Variants in DAB1 observed in about 807,000 individuals in gnomAD.
The protein encoded by DAB1 is disabled homolog 1.
Under a neutral mutation model 64.6 loss-of-function variants are expected in DAB1, and 15 were observed. The ratio of observed to expected loss-of-function variants is 0.23; its 90% CI spans 0.16 to 0.36. The LOEUF (loss-of-function observed/expected upper bound fraction) is 0.36, where lower values mean the gene tolerates loss of function less well. DAB1 is among the 10% of genes least tolerant of loss of function. DAB1 has a pLI of 1.00. For synonymous variants in DAB1, 235 were observed against 251.9 expected (o/e 0.93, Z 0.64); for missense variants, 596 against 706.7 (o/e 0.84, Z 1.78).
chr1:58,376,146 T>C (rs1644323121), intron 3 of DAB1, among the ~76,000 whole-genome samples: 3 of 151,992 alleles, frequency 2.0e-5, no homozygotes, highest in Admixed American at 1.3e-4. Flanking sequence ...GGTTCATTGA[T>C]TTTTTGAAGG....
chr1:57,301,470 C>T (rs1673649356), intron 1 of DAB1, among the ~76,000 whole-genome samples: 2 of 152,200 alleles, frequency 1.3e-5, no homozygotes, highest in East Asian at 1.9e-4. Flanking sequence ...GCCCTGTACT[C>T]ATCCCCGTTT....
At chr1:57,348,732 C>T (rs1678329218) in intron 1 of DAB1, among the ~76,000 whole-genome samples, 1 of 152,130 alleles carries the variant, frequency 6.6e-6, no homozygotes, top group South Asian at 2.1e-4. Flanking sequence ...AGCCAACTAC[C>T]TTCTGCCTGA....
At position 58,110,852 on chromosome 1, in the gene DAB1, G is replaced by A. The variant is rs573367101; in HGVS notation, n.387+39659C>T. Among the ~76,000 whole-genome samples the A allele has an allele frequency of 5.9e-5, 9 of 152,192 alleles. No homozygotes were observed. The South Asian group carries it at 1.7e-3, about 28-fold the overall frequency. On this transcript the variant is annotated intron_variant and non_coding_transcript_variant, in intron 5 of 20. Coordinates refer to the DAB1 transcript ENST00000485760. ...GCCCATTATTATTTAGGAAGTTGCT[G>A]GGGAGTTAAGTTTGCAAACATATTT...
At chr1:58,391,170 A>G (rs1198582541) in intron 3 of DAB1, among the ~76,000 whole-genome samples, 2 of 152,208 alleles carry the variant, frequency 1.3e-5, no homozygotes, top group Non-Finnish European at 2.9e-5. Flanking sequence ...AATTGCTACC[A>G]TTTCCAGGCC....
At chr1:57,143,130 G>A (rs1658773778) in intron 3 of DAB1, among the ~76,000 whole-genome samples, 1 of 152,184 alleles carries the variant, frequency 6.6e-6, no homozygotes, top group Non-Finnish European at 1.5e-5. Flanking sequence ...CTGAAAGACA[G>A]ACTGCATTCT....
chr1:57,523,093 G>A (rs544254433), intron 7 of DAB1, among the ~76,000 whole-genome samples: 45 of 152,268 alleles, frequency 3.0e-4, no homozygotes, highest in African/African-American at 7.9e-4. Flanking sequence ...GTGATCATGT[G>A]AGCCAATTCT....
At chr1:57,624,052 G>C (rs551860817) in intron 7 of DAB1, among the ~76,000 whole-genome samples, 3 of 152,206 alleles carry the variant, frequency 2.0e-5, no homozygotes, top group Non-Finnish European at 4.4e-5. Flanking sequence ...GGGACCCCAG[G>C]CAAGCTGTTT....
intron 2 of DAB1, among the ~76,000 whole-genome samples, chr1:57,261,759 G>A (rs1397217774): frequency 6.6e-6 from 1 of 152,156 alleles, no homozygotes; most frequent in South Asian, 2.1e-4. Flanking sequence ...CTGAGTCAAC[G>A]TCAACCTCTA....
At chr1:57,787,903 GA>G (rs1257789459) in intron 6 of DAB1, among the ~76,000 whole-genome samples, 1 of 151,606 alleles carries the variant, frequency 6.6e-6, no homozygotes, top group African/African-American at 2.4e-5. Context: ...ATAAGCCCAT[GA>G]AAAGATACTC....
intron 5 of DAB1, among the ~76,000 whole-genome samples, chr1:57,970,281 T>C (rs1645766775): frequency 6.6e-6 from 1 of 152,114 alleles, no homozygotes; most frequent in Non-Finnish European, 1.5e-5. Flanking sequence ...AAAATGGATC[T>C]CACCTAGAGG....
chr1:57,447,197 C>T lies in DAB1; in HGVS notation n.626-156031G>A, dbSNP rs995710113. On this transcript the variant is annotated intron_variant and non_coding_transcript_variant, in intron 7 of 20. Coordinates refer to the DAB1 transcript ENST00000485760. ...CCACTGAGTGCTTTACATACCCGCT[C>T]CTCAAAGAGACACATTTGGGATGGG... 2.0e-5 allele frequency among the ~76,000 whole-genome samples: 3 copies of T among 152,192 alleles called. 1 individual carries two copies. The East Asian group carries it at 5.8e-4, about 29-fold the overall frequency.
chr1:58,087,860 C>G (rs941735062), intron 5 of DAB1, among the ~76,000 whole-genome samples: 3 of 152,222 alleles, frequency 2.0e-5, no homozygotes, highest in African/African-American at 7.2e-5. Context: ...TTCCTTTCTA[C>G]ATTCATCATT....
chr1:57,027,772 C>T (rs147984409), intron 9 of DAB1, among the ~76,000 whole-genome samples: 323 of 152,322 alleles, frequency 2.1e-3, no homozygotes, highest in African/African-American at 7.2e-3. Context: ...TGTTAACTTA[C>T]TTGCAGCTCT....
At chr1:57,507,385 G>A (rs921767058) in intron 7 of DAB1, among the ~76,000 whole-genome samples, 3 of 152,092 alleles carry the variant, frequency 2.0e-5, no homozygotes, top group Non-Finnish European at 2.9e-5. Context: ...CAGGGAGTCC[G>A]GCCTTACCTA....
At chr1:57,897,605 T>C (rs957020922) in intron 5 of DAB1, among the ~76,000 whole-genome samples, 13 of 152,084 alleles carry the variant, frequency 8.5e-5, no homozygotes, top group African/African-American at 3.1e-4. Context: ...TATTACAGCC[T>C]TAAAATTGTA....
At chr1:58,258,207 G>C (rs1357907517) in intron 4 of DAB1, among the ~76,000 whole-genome samples, 1 of 152,112 alleles carries the variant, frequency 6.6e-6, no homozygotes, top group Non-Finnish European at 1.5e-5. Flanking sequence ...GTGTCTGTCA[G>C]CCTCACAGGC....
intron 1 of DAB1, among the ~76,000 whole-genome samples, chr1:57,340,752 C>T (rs1677507610): frequency 6.6e-6 from 1 of 152,162 alleles, no homozygotes. Flanking sequence ...GGTGTGTGTA[C>T]TCTGAGGAAG....
At chr1:58,015,885 C>G (rs1646731090) in intron 5 of DAB1, among the ~76,000 whole-genome samples, 1 of 152,140 alleles carries the variant, frequency 6.6e-6, no homozygotes, top group Non-Finnish European at 1.5e-5. Flanking sequence ...CTGGGAGGTT[C>G]TGCAAGGAGG....
intron 3 of DAB1, among the ~76,000 whole-genome samples, chr1:58,427,043 G>A (rs954326616): frequency 6.6e-6 from 1 of 152,166 alleles, no homozygotes; most frequent in Admixed American, 6.5e-5. Context: ...AATTGAGCAC[G>A]TGCCAGGAGC....
Sources: gnomAD v4.1 joint callset for allele counts (sites outside exome capture counted in the v4.1 genomes callset) on GRCh38, gnomAD v4.1.1 for gene constraint, MANE v1.5 for transcripts, NCBI Gene and HGNC (gene_info 2026-07-23, HGNC 2026-07-21) for gene names.